Variants in SERGEF observed in about 807,000 individuals in gnomAD.
SERGEF encodes the protein secretion regulating guanine nucleotide exchange factor, also known as secretion-regulating guanine nucleotide exchange factor.
SERGEF carries 51 observed loss-of-function variants against 50.0 expected under a neutral mutation model. The ratio of observed to expected loss-of-function variants is 1.02; its 90% CI spans 0.81 to 1.29. The LOEUF is 1.29. Among genes scored for constraint, SERGEF ranks in the 50% most tolerant of loss-of-function variants. The probability of loss-of-function intolerance (pLI) is 0.00; values close to 1 mark genes in which losing one functional copy is unlikely to be tolerated. For missense variants in SERGEF, 521 were observed against 557.0 expected (o/e 0.94, Z 0.65); for synonymous variants, 205 against 212.4 (o/e 0.97, Z 0.30).
intron 2 of SERGEF, 53 bp downstream of exon 2, chr11:18,007,888 G>T: frequency 6.5e-7 from 1 of 1,537,992 alleles, no homozygotes. Context: ...CATATCCAGG[G>T]GAAAACGTCT....
intron 3 of SERGEF, among the ~76,000 whole-genome samples, chr11:18,004,915 G>A (rs927554088): frequency 5.3e-5 from 8 of 152,272 alleles, no homozygotes; most frequent in Non-Finnish European, 8.8e-5. Context: ...AGGGGACAGC[G>A]GTCATGTAAC....
At chr11:17,929,746 A>T (rs1264855469) in intron 9 of SERGEF, among the ~76,000 whole-genome samples, 5 of 152,168 alleles carry the variant, frequency 3.3e-5, no homozygotes, top group Non-Finnish European at 7.4e-5. Flanking sequence ...TCATGCTTCA[A>T]CACAGTTCTC....
intron 9 of SERGEF, among the ~76,000 whole-genome samples, chr11:17,929,676 A>C (rs1331473182): frequency 6.6e-6 from 1 of 152,156 alleles, no homozygotes; most frequent in Non-Finnish European, 1.5e-5. Flanking sequence ...ACATCAGCCT[A>C]CTACTGCTTA....
chr11:17,992,071 G>T (rs745920304), intron 7 of SERGEF, among the ~76,000 whole-genome samples: 17 of 152,322 alleles, frequency 1.1e-4, no homozygotes, highest in Non-Finnish European at 2.2e-4. Flanking sequence ...GGAAGGAAAA[G>T]TCACTAGACA....
At position 17,878,199 on chromosome 11, in the gene SERGEF, ATTAC is replaced by A. The variant is rs764727935; in HGVS notation, c.1048+5_1048+8del. On this transcript the variant is annotated splice_donor_5th_base_variant and intron_variant, in intron 10 of 10. Coordinates refer to ENST00000265965, the MANE Select transcript of SERGEF (RefSeq NM_012139.4). ...AGAAGAAACAGTTATCAGTATAAAAATTACTTACCAATTATTGCCAAATTATGCT... is the reference window on the plus strand; with the variant it reads ...AGAAGAAACAGTTATCAGTATAAAAATTACCAATTATTGCCAAATTATGCT... 6.4e-7 allele frequency: 1 copy of A among 1,574,298 alleles called. No individual in the cohort carries two copies. Among genetic ancestry groups the A allele is most frequent in the South Asian group, 1.1e-5 (1 of 87,600 alleles).
intron 5 of SERGEF, among the ~76,000 whole-genome samples, chr11:18,000,277 G>A (rs1041014526): frequency 6.6e-6 from 1 of 151,844 alleles, no homozygotes; most frequent in Non-Finnish European, 1.5e-5. Context: ...GCGAGACCCT[G>A]TCTCTACAAA....
chr11:17,830,685 A>AGAGAGAGAGT (rs540825238), intron 10 of SERGEF, among the ~76,000 whole-genome samples: 6 of 118,884 alleles, frequency 5.0e-5, no homozygotes, highest in Non-Finnish European at 7.3e-5. Context: ...AGAGAGAGAG[A>AGAGAGAGAGT]GAGCACATGT....
chr11:18,001,591 C>A (rs953907016), intron 4 of SERGEF, among the ~76,000 whole-genome samples: 2 of 152,166 alleles, frequency 1.3e-5, no homozygotes, highest in African/African-American at 2.4e-5. Flanking sequence ...TCATGAGAGA[C>A]CAGCTAAGCT....
intron 9 of SERGEF, among the ~76,000 whole-genome samples, chr11:17,914,518 A>G (rs879717885): frequency 5.3e-5 from 8 of 152,164 alleles, no homozygotes; most frequent in Non-Finnish European, 1.0e-4. Flanking sequence ...TCCTGGGCTC[A>G]AGTGATCCTC....
chr11:17,814,190 T>G (rs1012398926), intron 10 of SERGEF, among the ~76,000 whole-genome samples: 5 of 151,256 alleles, frequency 3.3e-5, no homozygotes, highest in African/African-American at 1.2e-4. Flanking sequence ...GATGTTTCTG[T>G]AAAGGTATTT....
intron 10 of SERGEF, among the ~76,000 whole-genome samples, chr11:17,870,131 T>G (rs1211599369): frequency 6.6e-6 from 1 of 152,206 alleles, no homozygotes; most frequent in African/African-American, 2.4e-5. Flanking sequence ...TGCCACCTTG[T>G]GAAGAAGGTG....
Position 18,004,447 on chromosome 11 carries a change from G to T in SERGEF, c.441C>A (p.Ala147=). 6.2e-7 allele frequency: 1 copy of T among 1,612,488 alleles called. No individual in the cohort carries two copies. The highest frequency in any genetic ancestry group is 8.5e-7 in the Non-Finnish European group (1 of 1,178,714). Residue 147 remains alanine (A), a synonymous_variant, in exon 4 of 11, where the codon GCC becomes GCA. Transcript: ENST00000265965. ...AAATATTAACTGTCCTCACCTCAAT[G>T]GCCTGGGGAACCACACATCTTCGAG... ...HGPRRCVVPQ[A]IELHKEKVVC...
chr11:17,870,295 G>GATT (rs1222725958), intron 10 of SERGEF, among the ~76,000 whole-genome samples: 2 of 152,240 alleles, frequency 1.3e-5, no homozygotes, highest in African/African-American at 4.8e-5. Context: ...AATACAGGGA[G>GATT]ATTATGCTGG....
chr11:17,886,441 C>T (rs1455547649), intron 9 of SERGEF, among the ~76,000 whole-genome samples: 1 of 151,990 alleles, frequency 6.6e-6, no homozygotes, highest in Non-Finnish European at 1.5e-5. Flanking sequence ...GAAACCCTGT[C>T]TCTACAGAAA....
chr11:17,858,688 A>C (rs1850869248), intron 10 of SERGEF, among the ~76,000 whole-genome samples: 1 of 152,156 alleles, frequency 6.6e-6, no homozygotes, highest in South Asian at 2.1e-4. Flanking sequence ...GCAGAAGACC[A>C]CATCAAACTG....
intron 9 of SERGEF, among the ~76,000 whole-genome samples, chr11:17,891,858 G>A (rs1331345495): frequency 6.6e-6 from 1 of 152,170 alleles, no homozygotes; most frequent in Non-Finnish European, 1.5e-5. Flanking sequence ...TTTGAGTTCT[G>A]AGTTTCTGTA....
At chr11:17,869,639 G>T (rs1162493253) in intron 10 of SERGEF, among the ~76,000 whole-genome samples, 1 of 151,672 alleles carries the variant, frequency 6.6e-6, no homozygotes, top group Admixed American at 6.6e-5. Context: ...ATTCTTGAGG[G>T]TAGAGCCCTC....
At chr11:17,981,451 G>T (rs1853493690) in intron 8 of SERGEF, among the ~76,000 whole-genome samples, 1 of 152,192 alleles carries the variant, frequency 6.6e-6, no homozygotes, top group Non-Finnish European at 1.5e-5. Context: ...TAGAATAGCA[G>T]GCTTGGGGAC....
intron 10 of SERGEF, among the ~76,000 whole-genome samples, chr11:17,797,858 G>A (rs868425871): frequency 7.9e-5 from 12 of 152,320 alleles, no homozygotes; most frequent in East Asian, 3.9e-4. Flanking sequence ...CAGGAAGAAC[G>A]CTGCAATGAC....
Sources: gnomAD v4.1 joint callset for allele counts (sites outside exome capture counted in the v4.1 genomes callset) on GRCh38, gnomAD v4.1.1 for gene constraint, MANE v1.5 for transcripts, NCBI Gene and HGNC (gene_info 2026-07-23, HGNC 2026-07-21) for gene names.